The following UBE2W variants were observed in gnomAD, a reference collection of about 807,000 sequenced individuals.
UBE2W encodes ubiquitin-conjugating enzyme E2 W.
Under a neutral mutation model 27.2 loss-of-function variants are expected in UBE2W, and 18 were observed. The ratio of observed to expected loss-of-function variants is 0.66; its 90% CI spans 0.46 to 0.98. UBE2W has a LOEUF of 0.98. Ranked by LOEUF, UBE2W falls within the 50% of genes least tolerant of loss-of-function variation. The pLI is 0.00. For missense variants in UBE2W, 90 were observed against 180.2 expected (o/e 0.50, Z 2.87); for synonymous variants, 53 against 57.2 (o/e 0.93, Z 0.33).
chr8:73,808,845 G>A (rs1809026701), intron 4 of UBE2W, among the ~76,000 whole-genome samples: 1 of 152,166 alleles, frequency 6.6e-6, no homozygotes, highest in Non-Finnish European at 1.5e-5. Flanking sequence ...AGAATGTAAG[G>A]GGAATGGTGA....
intron 3 of UBE2W, among the ~76,000 whole-genome samples, chr8:73,820,058 C>T (rs1809544718): frequency 1.3e-5 from 2 of 152,134 alleles, no homozygotes. Flanking sequence ...GCCTTGGCCT[C>T]TCAAAGTGCT....
chr8:73,856,576 A>C (rs934791831), intron 1 of UBE2W, among the ~76,000 whole-genome samples: 24 of 151,680 alleles, frequency 1.6e-4, no homozygotes, highest in Non-Finnish European at 1.8e-4. Flanking sequence ...GTCTGGCTCG[A>C]ACTCCTGACC....
downstream of UBE2W, among the ~76,000 whole-genome samples, chr8:73,783,241 G>A (rs774658256): frequency 2.6e-4 from 39 of 152,014 alleles, no homozygotes; most frequent in Non-Finnish European, 4.3e-4. Context: ...ATTTTGATGC[G>A]TCCAACTCAT....
intron 1 of UBE2W, among the ~76,000 whole-genome samples, chr8:73,853,085 T>C (rs1365175224): frequency 2.0e-5 from 3 of 152,154 alleles, no homozygotes; most frequent in Non-Finnish European, 4.4e-5. Context: ...ATGGGATTAG[T>C]GCCTATAAGA....
intron 1 of UBE2W, among the ~76,000 whole-genome samples, chr8:73,846,947 T>C (rs900544854): frequency 5.3e-5 from 8 of 151,874 alleles, no homozygotes; most frequent in African/African-American, 1.7e-4. Context: ...CCGAGGCGGG[T>C]GGATCACGAA....
chr8:73,798,868 C>G (rs943019316), intron 5 of UBE2W, among the ~76,000 whole-genome samples: 3 of 152,048 alleles, frequency 2.0e-5, no homozygotes, highest in Non-Finnish European at 1.5e-5. Flanking sequence ...AAGAAAATTC[C>G]TTAGCCCATC....
Position 73,878,833 on chromosome 8 carries a change from TC to T in UBE2W, c.-12del, listed in dbSNP as rs1563645699. 6.5e-7 allele frequency: 1 copy of T among 1,548,920 alleles called. No individual in the cohort carries two copies. The highest frequency in any genetic ancestry group is 2.5e-5 in the East Asian group (1 of 40,672). ...CTGCATTGACGCCATGATGGAACCA[TC>T]CCCCCAAGACCGGCGAGGCCAGAGA... On this transcript the variant is annotated 5_prime_UTR_variant, in exon 1 of 6. Transcript: ENST00000602593.
rs1809107715 is a variant in UBE2W, at chr8:73,810,467, G to A, written c.366+7C>T. 6.2e-7 allele frequency: 1 copy of A among 1,607,574 alleles called. No individual in the cohort carries two copies. Among genetic ancestry groups the A allele is most frequent in the Non-Finnish European group, 8.5e-7 (1 of 1,178,030 alleles). On this transcript the variant is annotated splice_region_variant and intron_variant, in intron 4 of 5. Coordinates refer to ENST00000602593, the MANE Select transcript of UBE2W (RefSeq NM_018299.6). ...ATATTATCTGGAATAATTCTGAAAA[G>A]TCTTACCTTTTCCTTGCAGCTGGAA...
chr8:73,855,466 A>T (rs1811256868), intron 1 of UBE2W, among the ~76,000 whole-genome samples: 1 of 125,058 alleles, frequency 8.0e-6, no homozygotes, highest in African/African-American at 3.2e-5. Flanking sequence ...CAGTGGTGCT[A>T]TCTTGGCTCA....
chr8:73,866,661 G>A (rs796821573), intron 1 of UBE2W, among the ~76,000 whole-genome samples: 1 of 152,084 alleles, frequency 6.6e-6, no homozygotes, highest in African/African-American at 2.4e-5. Flanking sequence ...TCTTAGATAT[G>A]ACACCAAATA....
chr8:73,872,969 T>G (rs1812067297), intron 1 of UBE2W, among the ~76,000 whole-genome samples: 1 of 151,122 alleles, frequency 6.6e-6, no homozygotes, highest in South Asian at 2.1e-4. Context: ...TGGCATGATC[T>G]CCGCTCACTG....
chr8:73,856,661 AT>A (rs945759345), intron 1 of UBE2W, among the ~76,000 whole-genome samples: 1 of 151,070 alleles, frequency 6.6e-6, no homozygotes, highest in Non-Finnish European at 1.5e-5. Context: ...GGCCACACTT[AT>A]GCATTTCTAA....
chr8:73,804,294 C>T (rs578075876), intron 5 of UBE2W, among the ~76,000 whole-genome samples: 121 of 147,584 alleles, frequency 8.2e-4, no homozygotes, highest in Non-Finnish European at 1.3e-3. Context: ...AAAAAAAAAA[C>T]CCACACACAT....
chr8:73,825,250 C>A lies in UBE2W; in HGVS notation c.108-1G>T. On this transcript the variant is annotated splice_acceptor_variant, in intron 2 of 5. Transcript: ENST00000602593. LOFTEE classifies it high-confidence loss of function. ...TGCACCTTCCATGTCTACAATCCAC[C>A]TAGAATAGAAAAGGCAAATTAAAAA... is the stretch of plus-strand genomic sequence containing the variant. 1 of 1,545,596 alleles carries A rather than the reference C, an allele frequency of 6.5e-7. No homozygotes were observed. The highest frequency in any genetic ancestry group is 8.7e-7 in the Non-Finnish European group (1 of 1,146,064).
chr8:73,866,286 A>T (rs1430877547), intron 1 of UBE2W, among the ~76,000 whole-genome samples: 1,018 of 89,228 alleles, frequency 0.011, 8 homozygotes, highest in African/African-American at 0.044. Flanking sequence ...AAAAAAAAAA[A>T]AAAAATATAT....
chr8:73,849,082 T>C (rs1641219857), intron 1 of UBE2W, among the ~76,000 whole-genome samples: 1 of 152,078 alleles, frequency 6.6e-6, no homozygotes, highest in Admixed American at 6.5e-5. Context: ...ATGTTAATTG[T>C]TGAATCTACA....
chr8:73,841,770 G>A (rs1298125755), intron 1 of UBE2W, among the ~76,000 whole-genome samples: 2 of 152,192 alleles, frequency 1.3e-5, no homozygotes, highest in South Asian at 2.1e-4. Flanking sequence ...GGATTTTGCC[G>A]TGGAGATTTC....
At chr8:73,816,989 G>T (rs1466300451) in intron 3 of UBE2W, among the ~76,000 whole-genome samples, 1 of 146,374 alleles carries the variant, frequency 6.8e-6, no homozygotes, top group East Asian at 2.1e-4. Context: ...AGCCAAGATT[G>T]CGCCACTTCA....
At chr8:73,871,384 T>G (rs1307040122) in intron 1 of UBE2W, among the ~76,000 whole-genome samples, 1 of 152,202 alleles carries the variant, frequency 6.6e-6, no homozygotes, top group Non-Finnish European at 1.5e-5. Flanking sequence ...TTTTATATGT[T>G]TATCTATCTG....
Sources: allele counts gnomAD v4.1 joint callset (sites outside exome capture counted in the v4.1 genomes callset), GRCh38; gene constraint gnomAD v4.1.1; transcripts MANE v1.5; gene names NCBI Gene and HGNC (gene_info 2026-07-23, HGNC 2026-07-21).